The following HEY2 variants were observed in gnomAD, a reference collection of about 807,000 sequenced individuals.
HEY2 encodes hairy/enhancer-of-split related with YRPW motif protein 2.
Under a neutral mutation model 18.1 loss-of-function variants are expected in HEY2, and 10 were observed. That is an observed-to-expected ratio of 0.55 (90% CI 0.34 to 0.94). The LOEUF (loss-of-function observed/expected upper bound fraction) is 0.94, where lower values mean the gene tolerates loss of function less well. Ranked by LOEUF, HEY2 falls within the 40% of genes least tolerant of loss-of-function variation. The pLI is 0.02. For missense variants in HEY2, 455 were observed against 455.9 expected, an observed-to-expected ratio of 1.00 and a Z score of 0.02; for synonymous variants, 210 against 182.7, an observed-to-expected ratio of 1.15 and a Z score of -1.21.
chr6:125,751,701 A>G (rs1773545723), intron 1 of HEY2, 100 bp from the exon 2 acceptor site: 1 of 767,784 alleles, frequency 1.3e-6, no homozygotes, highest in Non-Finnish European at 2.2e-6. Context: ...ACAGACTTGA[A>G]CTGTGCAATC....
intron 3 of HEY2, among the ~76,000 whole-genome samples, chr6:125,752,785 C>T (rs1381663215): frequency 6.6e-6 from 1 of 152,200 alleles, no homozygotes; most frequent in Non-Finnish European, 1.5e-5. Context: ...TCATGGCTCT[C>T]CCCCTGCCGC....
At chr6:125,754,649 T>C (rs541230350) in intron 4 of HEY2, 103 bp downstream of exon 4, 11 of 553,992 alleles carry the variant, frequency 2.0e-5, no homozygotes, top group Non-Finnish European at 2.5e-5. Context: ...GAACAGTTCT[T>C]TAACAAGCTG....
Position 125,759,537 on chromosome 6 carries a change from T to G in HEY2, c.749T>G (p.Val250Gly). Residue 250 changes from valine (V) to glycine (G), a missense_variant, in exon 5 of 5, where the codon GTG (valine) becomes GGG (glycine). Coordinates refer to ENST00000368364, the MANE Select transcript of HEY2 (RefSeq NM_012259.3). ...TCCACGGGCAGCGTCGCCCCCTGCG[T>G]GCCACCTCTCTCCACCTCTCTCTTG... ...MPSTGSVAPC[V>G]PPLSTSLLSL... is the part of the protein sequence containing the mutation. 1 of 1,611,214 alleles carries G rather than the reference T, an allele frequency of 6.2e-7. No homozygotes were observed. The highest frequency in any genetic ancestry group is 1.1e-5 in the South Asian group (1 of 91,088).
chr6:125,751,744 C>T lies in HEY2; in HGVS notation c.84-57C>T, dbSNP rs1773546492. On this transcript the variant is annotated intron_variant, in intron 1 of 4. Transcript: ENST00000368364. The stretch of plus-strand genomic sequence containing the variant: ...ATATTTAATGGGTGCCACAAGTACC[C>T]AGAAGAAACTATTGTTATGTTAATG... 2.6e-6 allele frequency: 3 copies of T among 1,148,676 alleles called. No individual in the cohort carries two copies. In the South Asian group the frequency reaches 3.8e-5, roughly 15 times the overall value. 71.2% of individuals were successfully genotyped at this position (1,148,676 alleles called of 1,614,324 possible).
At position 125,760,848 on chromosome 6, in the gene HEY2, A is replaced by G. The variant is rs928653833; in HGVS notation, c.*1046A>G. On this transcript the variant is annotated 3_prime_UTR_variant, in exon 5 of 5. Coordinates refer to ENST00000368364, the MANE Select transcript of HEY2 (RefSeq NM_012259.3). Reference sequence around the variant, plus strand: ...AGGGAGCACTAGGAAGAGAAAAGCTACAATTTTTAAAGCTCTTTGTCAAGT... The same window carrying G: ...AGGGAGCACTAGGAAGAGAAAAGCTGCAATTTTTAAAGCTCTTTGTCAAGT... 2.0e-5 allele frequency: 3 copies of G among 152,680 alleles called. No individual in the cohort carries two copies. The highest frequency in any genetic ancestry group is 7.2e-5 in the African/African-American group (3 of 41,478). The allele number at this position is 152,680 out of a possible 1,614,324, so 9.5% of individuals were successfully genotyped here.
In HEY2 at chr6:125,759,965, CTTTT is replaced by C. The variant is rs536471883; in HGVS notation, c.*168_*171del. On this transcript the variant is annotated 3_prime_UTR_variant, in exon 5 of 5. Coordinates refer to ENST00000368364, the MANE Select transcript of HEY2 (RefSeq NM_012259.3). ...CTCACGAGTGGAAATGTGGTATTCT[CTTTT>C]TTTTCTCTCCCTTTTTTGTTTGGTT... 1 of 658,090 alleles carries C rather than the reference CTTTT, an allele frequency of 1.5e-6. No homozygotes were observed. Among genetic ancestry groups the C allele is most frequent in the Non-Finnish European group, 2.5e-6 (1 of 392,340 alleles). The allele number at this position is 658,090 out of a possible 1,614,324, so 40.8% of individuals were successfully genotyped here.
At chr6:125,749,897 G>A (rs1457361730) in intron 1 of HEY2, 38 bp downstream of exon 1, 1 of 1,503,524 alleles carries the variant, frequency 6.7e-7, no homozygotes, top group Non-Finnish European at 9.1e-7. Context: ...CGCAGCTCGG[G>A]AGCTTGGGGT....
At position 125,760,790 on chromosome 6, in the gene HEY2, A is replaced by G. The variant is rs1016349437; in HGVS notation, c.*988A>G. 1.3e-5 allele frequency: 2 copies of G among 152,586 alleles called. No homozygotes were observed. Among genetic ancestry groups the G allele is most frequent in the African/African-American group, 4.8e-5 (2 of 41,426 alleles). The allele number at this position is 152,586 out of a possible 1,614,324, so 9.5% of individuals were successfully genotyped here. On this transcript the variant is annotated 3_prime_UTR_variant, in exon 5 of 5. Coordinates refer to ENST00000368364, the MANE Select transcript of HEY2 (RefSeq NM_012259.3). ...ACATCTATTCTTGTCACCCTTTGGGAGAAGTTACATTTCTGGAGGTGATGA... is the reference window on the plus strand; with the variant it reads ...ACATCTATTCTTGTCACCCTTTGGGGGAAGTTACATTTCTGGAGGTGATGA...
At position 125,760,996 on chromosome 6, in the gene HEY2, G is replaced by A. The variant is rs547478367; in HGVS notation, c.*1194G>A. 18 of 152,618 alleles carry A rather than the reference G, an allele frequency of 1.2e-4. No individual in the cohort carries two copies. The highest frequency in any genetic ancestry group is 2.9e-4 in the African/African-American group (12 of 41,546). The allele number at this position is 152,618 out of a possible 1,614,324, so 9.5% of individuals were successfully genotyped here. ...TTGTGGTTTTGTTTTTTTCGATTTC[G>A]TTTAATGACAAAATAATCTCTTAAT... On this transcript the variant is annotated 3_prime_UTR_variant, in exon 5 of 5. Coordinates refer to ENST00000368364, the MANE Select transcript of HEY2 (RefSeq NM_012259.3).
intron 1 of HEY2, chr6:125,750,440 A>T (rs1773522061): frequency 6.1e-6 from 6 of 978,340 alleles, no homozygotes; most frequent in Middle Eastern, 5.3e-4. Flanking sequence ...TCTGGAAGAG[A>T]TCGGCGTCGT....
chr6:125,754,497 G>A lies in HEY2; in HGVS notation c.279G>A (p.Leu93=). The A allele has an allele frequency of 6.2e-7, 1 of 1,602,366 alleles. No individual in the cohort carries two copies. Among genetic ancestry groups the A allele is most frequent in the Non-Finnish European group, 8.5e-7 (1 of 1,173,656 alleles). ...GSAKLEKAEI[L]QMTVDHLKML... ...CAAAGTTAGAAAAAGCTGAAATATT[G>A]CAAATGACAGTGGATCATTTGAAGA... Residue 93 remains leucine (L), a synonymous_variant, in exon 4 of 5, where the codon TTG becomes TTA. Transcript: ENST00000368364.
chr6:125,751,831 T>G lies in HEY2; in HGVS notation c.114T>G (p.Asn38Lys), dbSNP rs770585455. 1 of 1,613,562 alleles carries G rather than the reference T, an allele frequency of 6.2e-7. No individual in the cohort carries two copies. Among genetic ancestry groups the G allele is most frequent in the South Asian group, 1.1e-5 (1 of 91,074 alleles). The change falls in exon 2 of 5, where the codon AAT becomes AAG. Residue 38 changes from asparagine (N) to lysine (K), a missense_variant. Coordinates refer to ENST00000368364, the MANE Select transcript of HEY2 (RefSeq NM_012259.3). ...GQSTSSVIRL[N>K]SPTTTSQIMA... is the part of the protein sequence containing the mutation. Reference sequence around the variant, plus strand: ...GTACTAGCTCTGTGATTAGATTGAATTCTCCAACAACAACATCTCAGATTA... The same window carrying G: ...GTACTAGCTCTGTGATTAGATTGAAGTCTCCAACAACAACATCTCAGATTA...
chr6:125,757,415 T>C (rs1773684340), intron 4 of HEY2, among the ~76,000 whole-genome samples: 1 of 152,252 alleles, frequency 6.6e-6, no homozygotes, highest in South Asian at 2.1e-4. Context: ...TATTTCATGA[T>C]ATTCTCTTGG....
At chr6:125,751,638 G>A (rs1037354752) in intron 1 of HEY2, among the ~76,000 whole-genome samples, 163 bp from the exon 2 acceptor site, 8 of 152,124 alleles carry the variant, frequency 5.3e-5, no homozygotes, top group Non-Finnish European at 2.9e-5. Context: ...AGAGACAGCC[G>A]GGCTGAAAGC....
At position 125,759,552 on chromosome 6, in the gene HEY2, C is replaced by T. The variant is rs181882875; in HGVS notation, c.764C>T (p.Thr255Ile). The T allele has an allele frequency of 6.2e-7, 1 of 1,611,026 alleles. No homozygotes were observed. The highest frequency in any genetic ancestry group is 2.2e-5 in the East Asian group (1 of 44,872). The change falls in exon 5 of 5, where the codon ACC becomes ATC. Residue 255 changes from threonine to isoleucine, a missense_variant. By Grantham distance (89) the Thr-to-Ile change is moderately conservative (BLOSUM62 -1). Transcript: ENST00000368364. ...GCCCCCTGCGTGCCACCTCTCTCCA[C>T]CTCTCTCTTGTCCCTCTCTGCCACC... ...SVAPCVPPLS[T>I]SLLSLSATVH...
intron 3 of HEY2, among the ~76,000 whole-genome samples, chr6:125,752,344 G>T (rs1773564397): frequency 6.8e-6 from 1 of 148,056 alleles, no homozygotes; most frequent in African/African-American, 2.5e-5. Flanking sequence ...CCCCTTAAGG[G>T]TAACAGTGTT....
Position 125,752,066 on chromosome 6 carries a change from T to G in HEY2, c.222T>G (p.Leu74=), listed in dbSNP as rs112235907. The change falls in exon 3 of 5, where the codon CTT becomes CTG. Residue 74 remains leucine, a synonymous_variant. Coordinates refer to ENST00000368364, the MANE Select transcript of HEY2 (RefSeq NM_012259.3). ...INNSLSELRR[L]VPTAFEKQGS... is the part of the protein sequence containing the mutation. ...ACAGTTTATCTGAGTTGAGAAGACT[T>G]GTGCCAACTGCTTTTGAAAAACAAG... 9,642 of 1,613,406 alleles carry G rather than the reference T, an allele frequency of 6.0e-3. 134 individuals carry two copies. The highest frequency in any genetic ancestry group is 0.055 in the East Asian group (2,468 of 44,862).
Position 125,754,566 on chromosome 6 carries a change from T to A in HEY2, c.328+20T>A, listed in dbSNP as rs1361513622. The stretch of plus-strand genomic sequence containing the variant: ...GTAAAGGTAAGTAGATGACTTCATT[T>A]TTTTTTTTTTTTGCCTTTTTTACCT... On this transcript the variant is annotated intron_variant, in intron 4 of 4. Coordinates refer to ENST00000368364, the MANE Select transcript of HEY2 (RefSeq NM_012259.3). 1 of 989,746 alleles carries A rather than the reference T, an allele frequency of 1.0e-6. No individual in the cohort carries two copies. Among genetic ancestry groups the A allele is most frequent in the Non-Finnish European group, 1.4e-6 (1 of 732,616 alleles). 61.3% of individuals were successfully genotyped at this position (989,746 alleles called of 1,614,324 possible). A position where few individuals can be genotyped will look rare whatever the true frequency, so the allele number is the denominator to read the frequency against.
intron 4 of HEY2, among the ~76,000 whole-genome samples, chr6:125,757,215 A>G (rs3799709): frequency 0.41 from 62,630 of 152,060 alleles, 14,619 homozygotes; most frequent in East Asian, 0.7. Flanking sequence ...TATTCTATTC[A>G]TTACCCCCGT....
Sources: allele counts gnomAD v4.1 joint callset (sites outside exome capture counted in the v4.1 genomes callset), GRCh38; gene constraint gnomAD v4.1.1; transcripts MANE v1.5; gene names NCBI Gene and HGNC (gene_info 2026-07-23, HGNC 2026-07-21).